BCAS3: variants seen among roughly 807,000 people sequenced by gnomAD.
BCAS3 encodes the protein BCAS3 microtubule associated cell migration factor, also known as BCAS4/BCAS3 fusion.
A neutral mutation model predicts 116.1 loss-of-function variants in BCAS3; 53 were observed. The ratio of observed to expected loss-of-function variants is 0.46; its 90% CI spans 0.37 to 0.57. BCAS3 has a LOEUF of 0.57. Among genes scored for constraint, BCAS3 ranks in the 20% least tolerant of loss-of-function variants. BCAS3 has a pLI of 0.00. For synonymous variants in BCAS3, 391 were observed against 408.2 expected, an observed-to-expected ratio of 0.96 and a Z score of 0.51; for missense variants, 917 against 1,165.4, an observed-to-expected ratio of 0.79 and a Z score of 3.10.
Position 61,145,264 on chromosome 17 carries a change from G to A in BCAS3, c.2425+60700G>A, listed in dbSNP as rs1401986536. On this transcript the variant is annotated intron_variant, in intron 22 of 23. Coordinates refer to ENST00000407086, the MANE Select transcript of BCAS3 (RefSeq NM_017679.5). This position sits in a 1 kb window ranked among gnomAD's most constrained non-coding sequence, Gnocchi z 5.0. ...TTCTGCCGTCTTCACCTTTGCTGATGGTTCTGCAACTCATCACCAGCTATG... is the reference window on the plus strand; with the variant it reads ...TTCTGCCGTCTTCACCTTTGCTGATAGTTCTGCAACTCATCACCAGCTATG... Among the ~76,000 whole-genome samples the A allele has an allele frequency of 1.5e-4, 23 of 152,188 alleles. No individual in the cohort carries two copies. The highest frequency in any genetic ancestry group is 1.2e-3 in the Admixed American group (19 of 15,278).
In BCAS3 at chr17:60,763,303, G is replaced by A. The variant is rs1189096995; in HGVS notation, c.403+16024G>A. The stretch of plus-strand genomic sequence containing the variant: ...TTCAAAGGGAATGCTTCCAGTTTTT[G>A]CCCATTCAGTATGATACTGGCTGTG... On this transcript the variant is annotated intron_variant, in intron 6 of 23. Transcript: ENST00000407086. Among the ~76,000 whole-genome samples the A allele has an allele frequency of 2.6e-5, 4 of 152,310 alleles. No individual in the cohort carries two copies. The East Asian group carries it at 7.7e-4, about 29-fold the overall frequency.
At chr17:61,329,592 C>T (rs527975093) in intron 22 of BCAS3, among the ~76,000 whole-genome samples, 1 of 152,242 alleles carries the variant, frequency 6.6e-6, no homozygotes, top group South Asian at 2.1e-4. Flanking sequence ...CCACCGGCCT[C>T]GGCCTCCCAA....
intron 9 of BCAS3, among the ~76,000 whole-genome samples, chr17:60,879,915 A>G (rs1408192007): frequency 6.6e-6 from 1 of 152,250 alleles, no homozygotes; most frequent in Non-Finnish European, 1.5e-5. Flanking sequence ...TTGATAGGTT[A>G]GTGTGAGTTC....
Position 60,689,898 on chromosome 17 carries a change from T to TA in BCAS3, c.214+139dup. ...TCAGTTTTCAAAATAAAAGGTAGCATAACCGCAGTACAGAAACTTTAGAAC... is the reference window on the plus strand; with the variant it reads ...TCAGTTTTCAAAATAAAAGGTAGCATAAACCGCAGTACAGAAACTTTAGAAC... On this transcript the variant is annotated intron_variant, in intron 4 of 23. Coordinates refer to ENST00000407086, the MANE Select transcript of BCAS3 (RefSeq NM_017679.5). 9.9e-6 allele frequency: 6 copies of TA among 605,938 alleles called. No homozygotes were observed. The South Asian group carries it at 1.3e-4, about 13-fold the overall frequency. The allele number at this position is 605,938 out of a possible 1,614,324, so 37.5% of individuals were successfully genotyped here. A position where few individuals can be genotyped will look rare whatever the true frequency, so the allele number is the denominator to read the frequency against.
intron 10 of BCAS3, among the ~76,000 whole-genome samples, chr17:60,899,000 C>T (rs1163919114): frequency 6.6e-6 from 1 of 151,936 alleles, no homozygotes; most frequent in Non-Finnish European, 1.5e-5. Context: ...TTGGGCAGTC[C>T]CAAGGACCCT....
intron 13 of BCAS3, among the ~76,000 whole-genome samples, chr17:60,940,716 G>A (rs1453551138): frequency 1.3e-5 from 2 of 152,168 alleles, no homozygotes; most frequent in African/African-American, 4.8e-5. Flanking sequence ...TTTTATGAAT[G>A]ATATAATCTG....
chr17:61,348,952 C>T lies in BCAS3; in HGVS notation c.2426-19375C>T, dbSNP rs2057672375. On this transcript the variant is annotated intron_variant, in intron 22 of 23. Transcript: ENST00000407086. This position sits in a 1 kb window ranked among gnomAD's most constrained non-coding sequence, Gnocchi z 4.5. ...TATTTTTGGTAGAGATGGGGTTTCACCGTGTTAGCCAGGATGGTCTTGATC... is the reference window on the plus strand; with the variant it reads ...TATTTTTGGTAGAGATGGGGTTTCATCGTGTTAGCCAGGATGGTCTTGATC... Among the ~76,000 whole-genome samples the T allele has an allele frequency of 6.6e-6, 1 of 151,920 alleles. No homozygotes were observed. Among genetic ancestry groups the T allele is most frequent in the Non-Finnish European group, 1.5e-5 (1 of 67,982 alleles).
intron 10 of BCAS3, among the ~76,000 whole-genome samples, chr17:60,895,703 C>G (rs1328390891): frequency 6.6e-6 from 1 of 152,140 alleles, no homozygotes; most frequent in African/African-American, 2.4e-5. Context: ...CGTCAGCACA[C>G]CTTTTGCTGT....
Position 60,964,558 on chromosome 17 carries a change from A to G in BCAS3, c.1221+17206A>G, listed in dbSNP as rs1401359810. ...AAGGTAATGCTGGCCTTATAGAATGAGTTTGGAAGTATGTCCTCCTCTTCA... is the reference window on the plus strand; with the variant it reads ...AAGGTAATGCTGGCCTTATAGAATGGGTTTGGAAGTATGTCCTCCTCTTCA... On this transcript the variant is annotated intron_variant, in intron 14 of 23. Transcript: ENST00000407086. This position sits in a 1 kb window ranked among gnomAD's most constrained non-coding sequence, Gnocchi z 4.6. Among the ~76,000 whole-genome samples the G allele has an allele frequency of 6.6e-6, 1 of 152,064 alleles. No individual in the cohort carries two copies. The highest frequency in any genetic ancestry group is 2.4e-5 in the African/African-American group (1 of 41,412).
At chr17:60,686,585 G>A (rs1236274113) in intron 3 of BCAS3, among the ~76,000 whole-genome samples, 2 of 152,128 alleles carry the variant, frequency 1.3e-5, no homozygotes, top group East Asian at 1.9e-4. Context: ...GAGTGCAATG[G>A]CATAATCTCG....
intron 22 of BCAS3, among the ~76,000 whole-genome samples, chr17:61,329,899 C>T (rs1219533032): frequency 1.3e-5 from 2 of 152,182 alleles, no homozygotes; most frequent in African/African-American, 4.8e-5. Context: ...TTATGAAGTT[C>T]AGAGTGGCTG....
At chr17:60,747,321 T>A in intron 6 of BCAS3, 42 bp downstream of exon 6, 1 of 1,496,656 alleles carries the variant, frequency 6.7e-7, no homozygotes, top group Non-Finnish European at 9.3e-7. Flanking sequence ...AGAAAAGAGT[T>A]TCTCTTTTGT....
chr17:61,232,585 T>G (rs2082756225), intron 22 of BCAS3, among the ~76,000 whole-genome samples: 1 of 152,166 alleles, frequency 6.6e-6, no homozygotes, highest in Non-Finnish European at 1.5e-5. Context: ...AGAACCCTCT[T>G]TTGAGTAAAG....
In BCAS3 at chr17:61,126,747, A is replaced by C. The variant is rs887031369; in HGVS notation, c.2425+42183A>C. ...AAAATGTTTATGTAGTGTTTTTCAA[A>C]TGACTGATTATTCTTGTAACCTTTA... On this transcript the variant is annotated intron_variant, in intron 22 of 23. Transcript: ENST00000407086. This position sits in a 1 kb window ranked among gnomAD's most constrained non-coding sequence, Gnocchi z 4.6. Among the ~76,000 whole-genome samples, 4 of 152,176 alleles carry C rather than the reference A, an allele frequency of 2.6e-5. No homozygotes were observed. The highest frequency in any genetic ancestry group is 7.2e-5 in the African/African-American group (3 of 41,446).
intron 22 of BCAS3, among the ~76,000 whole-genome samples, chr17:61,183,274 G>T (rs1026259782): frequency 6.6e-6 from 1 of 152,000 alleles, no homozygotes; most frequent in African/African-American, 2.4e-5. Flanking sequence ...GGGAAAATTC[G>T]ATGTGAAGAG....
At chr17:61,085,980 G>T (rs1031678032) in intron 22 of BCAS3, among the ~76,000 whole-genome samples, 60 of 152,172 alleles carry the variant, frequency 3.9e-4, no homozygotes, top group Admixed American at 1.0e-3. Context: ...ATGTTTTATT[G>T]TCGAGTGACT....
intron 13 of BCAS3, among the ~76,000 whole-genome samples, chr17:60,932,077 A>G (rs935014556): frequency 2.0e-5 from 3 of 152,164 alleles, no homozygotes; most frequent in African/African-American, 4.8e-5. Context: ...TGTCTAAAAA[A>G]AAATAAAAAA....
Position 61,377,517 on chromosome 17 carries a change from G to C in BCAS3, c.2593+9023G>C. On this transcript the variant is annotated intron_variant, in intron 23 of 23. Transcript: ENST00000407086. The surrounding 1 kb of genome is among the most constrained non-coding windows in gnomAD (Gnocchi z 4.6). ...GGTGTTTTTTTCCCCTTTTCGATGG[G>C]ATTTGAAGCCCTCATCAAGCAATGG... Among the ~76,000 whole-genome samples the C allele has an allele frequency of 6.6e-6, 1 of 152,202 alleles. No individual in the cohort carries two copies. Among genetic ancestry groups the C allele is most frequent in the Non-Finnish European group, 1.5e-5 (1 of 68,036 alleles).
Position 61,213,398 on chromosome 17 carries a change from G to A in BCAS3, c.2425+128834G>A, listed in dbSNP as rs568344504. Among the ~76,000 whole-genome samples the A allele has an allele frequency of 5.9e-5, 9 of 152,136 alleles. No homozygotes were observed. In the South Asian group the frequency reaches 1.9e-3, roughly 32 times the overall value. On this transcript the variant is annotated intron_variant, in intron 22 of 23. Coordinates refer to ENST00000407086, the MANE Select transcript of BCAS3 (RefSeq NM_017679.5). This position sits in a 1 kb window ranked among gnomAD's most constrained non-coding sequence, Gnocchi z 5.4. The stretch of plus-strand genomic sequence containing the variant: ...TTGGCCAGGCTGGTCTTGAACTCCT[G>A]ACCTCGTGATCCACCCGCCTCGACT...
Sources: gnomAD v4.1 joint callset for allele counts (sites outside exome capture counted in the v4.1 genomes callset) on GRCh38, gnomAD v4.1.1 for gene constraint, Gnocchi (gnomAD v3.1) non-coding constraint, MANE v1.5 for transcripts, NCBI Gene and HGNC (gene_info 2026-07-23, HGNC 2026-07-21) for gene names.